MFSD8: variants seen among roughly 807,000 people sequenced by gnomAD.
The protein encoded by MFSD8 is major facilitator superfamily domain-containing protein 8.
Under a neutral mutation model 66.4 loss-of-function variants are expected in MFSD8, and 55 were observed. The observed-to-expected ratio is 0.83, with a 90% CI of 0.67 to 1.04. The LOEUF is 1.04. MFSD8 is among the 50% of genes least tolerant of loss of function. The pLI is 0.00. For missense variants in MFSD8, 550 were observed against 627.6 expected (o/e 0.88, Z 1.32); for synonymous variants, 202 against 212.8 (o/e 0.95, Z 0.44).
intron 2 of MFSD8, among the ~76,000 whole-genome samples, chr4:127,950,164 G>A (rs185798983): frequency 1.2e-3 from 176 of 152,302 alleles, no homozygotes; most frequent in African/African-American, 4.1e-3. Flanking sequence ...ATGAATGGAG[G>A]AAAGGCTATT....
At position 127,950,486 on chromosome 4, in the gene MFSD8, T is replaced by C. The variant is rs560976098; in HGVS notation, c.155-639A>G. Among the ~76,000 whole-genome samples the C allele has an allele frequency of 2.5e-4, 38 of 152,112 alleles. No homozygotes were observed. The East Asian group carries it at 7.0e-3, about 28-fold the overall frequency. Reference sequence around the variant, plus strand: ...AGGCAGATTACCTAAGGTCAGGAGTTTGAGACCGGCCTGGCCAACATGGTG... The same window carrying C: ...AGGCAGATTACCTAAGGTCAGGAGTCTGAGACCGGCCTGGCCAACATGGTG... On this transcript the variant is annotated intron_variant, in intron 2 of 11. Coordinates refer to ENST00000641686, the MANE Select transcript of MFSD8 (RefSeq NM_001371596.2).
At chr4:127,945,061 T>C (rs1740810903) in intron 3 of MFSD8, among the ~76,000 whole-genome samples, 1 of 152,152 alleles carries the variant, frequency 6.6e-6, no homozygotes, top group African/African-American at 2.4e-5. Flanking sequence ...TCTCAGCTAC[T>C]CAGCAGTCTA....
At chr4:127,928,952 G>T (rs1486013519) in intron 9 of MFSD8, among the ~76,000 whole-genome samples, 1 of 152,054 alleles carries the variant, frequency 6.6e-6, no homozygotes, top group Non-Finnish European at 1.5e-5. Context: ...GGAATTCATG[G>T]TCATTATGTT....
At chr4:127,927,822 G>A (rs765094030) in intron 9 of MFSD8, among the ~76,000 whole-genome samples, 4 of 152,066 alleles carry the variant, frequency 2.6e-5, no homozygotes, top group African/African-American at 7.2e-5. Flanking sequence ...AAGTAGCTGG[G>A]ACTACAGGCG....
intron 2 of MFSD8, among the ~76,000 whole-genome samples, chr4:127,953,188 T>C (rs1338113069): frequency 6.6e-6 from 1 of 152,084 alleles, no homozygotes; most frequent in Non-Finnish European, 1.5e-5. Flanking sequence ...AGTAATCCCA[T>C]CATCTTAGTT....
At chr4:127,933,521 C>T (rs567354376) in intron 7 of MFSD8, 11 of 162,312 alleles carry the variant, frequency 6.8e-5, no homozygotes, top group East Asian at 3.5e-4. Flanking sequence ...TGGGATTACA[C>T]GTGTGAGCCA....
chr4:127,952,795 G>A (rs1044391952), intron 2 of MFSD8, among the ~76,000 whole-genome samples: 1 of 151,150 alleles, frequency 6.6e-6, no homozygotes, highest in Non-Finnish European at 1.5e-5. Flanking sequence ...GCTTGAACCC[G>A]GGAGGCAGAG....
chr4:127,921,136 T>C, intron 11 of MFSD8: 1 of 555,126 alleles, frequency 1.8e-6, no homozygotes. Context: ...TGCCAGTCAC[T>C]GAGGTAGGTG....
At chr4:127,962,274 C>T (rs1191588981) in intron 1 of MFSD8, among the ~76,000 whole-genome samples, 1 of 152,098 alleles carries the variant, frequency 6.6e-6, no homozygotes, top group African/African-American at 2.4e-5. Context: ...TCCAGATCAG[C>T]CTGGCCACCT....
chr4:127,923,352 A>G (rs1431398252), intron 9 of MFSD8, among the ~76,000 whole-genome samples: 1 of 151,936 alleles, frequency 6.6e-6, no homozygotes, highest in African/African-American at 2.4e-5. Flanking sequence ...GTTGAATTTT[A>G]TCAAAGGCCT....
At chr4:127,954,326 G>A (rs1742509199) in intron 2 of MFSD8, among the ~76,000 whole-genome samples, 1 of 152,140 alleles carries the variant, frequency 6.6e-6, no homozygotes. Context: ...GGCAACAAAA[G>A]ATAAAAACAG....
intron 7 of MFSD8, among the ~76,000 whole-genome samples, chr4:127,936,162 T>G (rs930149721): frequency 6.6e-6 from 1 of 152,100 alleles, no homozygotes; most frequent in African/African-American, 2.4e-5. Context: ...TCACCCAGGC[T>G]GGAGTACGTG....
intron 8 of MFSD8, 152 bp from the exon 9 acceptor site, chr4:127,930,969 T>C: frequency 1.5e-6 from 1 of 683,886 alleles, no homozygotes; most frequent in South Asian, 2.8e-5. Flanking sequence ...TTTGAACACA[T>C]TTTAAGCGTT....
At position 127,936,854 on chromosome 4, in the gene MFSD8, G is replaced by A. The variant is rs112884356; in HGVS notation, c.754+1929C>T. Among the ~76,000 whole-genome samples the A allele has an allele frequency of 5.5e-3, 834 of 152,168 alleles. 14 individuals are homozygous for A. The highest frequency in any genetic ancestry group is 0.019 in the African/African-American group (790 of 41,506). ...AGCACATTAAAGTAAATGAAGCACT[G>A]ATGTATATCATTATCCCCTTCCAAG... On this transcript the variant is annotated intron_variant, in intron 7 of 11. Transcript: ENST00000641686.
chr4:127,921,279 C>A, intron 11 of MFSD8: 2 of 649,870 alleles, frequency 3.1e-6, no homozygotes, highest in East Asian at 2.7e-5. Flanking sequence ...TTGGCTGACT[C>A]CACTGTGCCA....
intron 5 of MFSD8, among the ~76,000 whole-genome samples, chr4:127,941,580 G>A (rs759834207): frequency 6.6e-6 from 1 of 152,058 alleles, no homozygotes; most frequent in Non-Finnish European, 1.5e-5. Flanking sequence ...CCCTGCCTCA[G>A]CCTCCCAAGT....
At chr4:127,955,747 A>G (rs1345438388) in intron 2 of MFSD8, among the ~76,000 whole-genome samples, 2 of 152,092 alleles carry the variant, frequency 1.3e-5, no homozygotes, top group African/African-American at 4.8e-5. Context: ...TTGAGGCACA[A>G]TTGAGATTCT....
At chr4:127,965,298 G>A (rs1396236379), upstream of MFSD8, 3 of 831,392 alleles carry the variant, frequency 3.6e-6, no homozygotes, top group Non-Finnish European at 5.9e-6. Flanking sequence ...TCACGCGGAA[G>A]GCCGGGCAGC....
At chr4:127,935,757 C>G (rs1738963794) in intron 7 of MFSD8, among the ~76,000 whole-genome samples, 1 of 152,126 alleles carries the variant, frequency 6.6e-6, no homozygotes, top group African/African-American at 2.4e-5. Context: ...GGCCACTAGC[C>G]ACATATACCC....
Sources: gnomAD v4.1 joint callset for allele counts (sites outside exome capture counted in the v4.1 genomes callset) on GRCh38, gnomAD v4.1.1 for gene constraint, MANE v1.5 for transcripts, NCBI Gene and HGNC (gene_info 2026-07-23, HGNC 2026-07-21) for gene names.